The following CHD9 variants were observed in gnomAD, a reference collection of about 807,000 sequenced individuals.
CHD9 encodes chromodomain helicase DNA binding protein 9.
Under a neutral mutation model 316.1 loss-of-function variants are expected in CHD9, and 77 were observed. The ratio of observed to expected loss-of-function variants is 0.24; its 90% CI spans 0.20 to 0.29. The LOEUF (loss-of-function observed/expected upper bound fraction) is 0.29. CHD9 is among the 10% of genes least tolerant of loss of function. CHD9 has a pLI of 1.00. For synonymous variants in CHD9, 1,129 were observed against 1,158.3 expected, an observed-to-expected ratio of 0.97 and a Z score of 0.51; for missense variants, 2,763 against 3,438.1, an observed-to-expected ratio of 0.80 and a Z score of 4.91.
chr16:53,094,095 T>C (rs2036178938), intron 1 of CHD9, among the ~76,000 whole-genome samples: 1 of 152,206 alleles, frequency 6.6e-6, no homozygotes. Flanking sequence ...AGCAGGCAGC[T>C]CTGCTGTGGC....
chr16:53,265,524 T>C (rs2051571802), intron 20 of CHD9, among the ~76,000 whole-genome samples: 1 of 152,146 alleles, frequency 6.6e-6, no homozygotes, highest in Non-Finnish European at 1.5e-5. Context: ...GATCAAAGTA[T>C]AAGTTTATGA....
intron 38 of CHD9, among the ~76,000 whole-genome samples, chr16:53,322,606 A>C (rs1407595814): frequency 6.6e-6 from 1 of 151,892 alleles, no homozygotes; most frequent in Non-Finnish European, 1.5e-5. Flanking sequence ...AAAAAAAAAA[A>C]CATATCTTAG....
chr16:53,109,677 CT>C (rs1166073629), intron 1 of CHD9, among the ~76,000 whole-genome samples: 31 of 71,606 alleles, frequency 4.3e-4, no homozygotes, highest in Admixed American at 7.3e-4. Flanking sequence ...TTCCCAGTTT[CT>C]TTTTTTTTTT....
At chr16:53,071,151 T>A (rs9931598) in intron 1 of CHD9, among the ~76,000 whole-genome samples, 95,651 of 152,012 alleles carry the variant, frequency 0.63, 30,691 homozygotes, top group Non-Finnish European at 0.67. Context: ...TTATATCTTC[T>A]TTAACTTCTT....
chr16:53,307,578 A>G, intron 32 of CHD9, 103 bp from the exon 33 acceptor site: 2 of 972,700 alleles, frequency 2.1e-6, no homozygotes, highest in South Asian at 3.4e-5. Context: ...GCACATACAC[A>G]TATGTTGAAC....
intron 32 of CHD9, among the ~76,000 whole-genome samples, chr16:53,307,104 G>C (rs1286650651): frequency 1.3e-5 from 2 of 151,930 alleles, no homozygotes; most frequent in Admixed American, 6.6e-5. Context: ...TATGTGACTA[G>C]ACTAGTGCTG....
At chr16:53,226,557 A>G in intron 5 of CHD9, 45 bp downstream of exon 5, 1 of 1,556,372 alleles carries the variant, frequency 6.4e-7, no homozygotes, top group Non-Finnish European at 8.6e-7. Context: ...TTAAACCGAC[A>G]TAAATTCTAT....
intron 2 of CHD9, among the ~76,000 whole-genome samples, chr16:53,170,523 T>G (rs1381706615): frequency 1.3e-5 from 2 of 152,026 alleles, no homozygotes; most frequent in Non-Finnish European, 2.9e-5. Context: ...GGAGCTCATT[T>G]GCTTTTTGAT....
In CHD9 at chr16:53,245,949, C is replaced by G; in HGVS notation, c.3454+99C>G. ...TACAGCTGTAGTGGCTGTTATGACT[C>G]TCCACTGTGATATTCTAAGGAATTA... is the stretch of plus-strand genomic sequence containing the variant. On this transcript the variant is annotated intron_variant, in intron 15 of 38. Transcript: ENST00000447540. The surrounding 1 kb of genome is among the most constrained non-coding windows in gnomAD (Gnocchi z 4.1). The G allele has an allele frequency of 4.9e-6, 4 of 809,372 alleles. No homozygotes were observed. Among genetic ancestry groups the G allele is most frequent in the Non-Finnish European group, 7.1e-6 (4 of 560,890 alleles). The allele number at this position is 809,372 out of a possible 1,614,324, so 50.1% of individuals were successfully genotyped here. A position where few individuals can be genotyped will look rare whatever the true frequency, so the allele number is the denominator to read the frequency against.
chr16:53,105,616 G>A (rs570699334), intron 1 of CHD9, among the ~76,000 whole-genome samples: 1 of 152,190 alleles, frequency 6.6e-6, no homozygotes, highest in Non-Finnish European at 1.5e-5. Flanking sequence ...TATTCCATAG[G>A]AGAGTTTTCA....
chr16:53,255,017 G>T (rs973620173), intron 18 of CHD9, among the ~76,000 whole-genome samples: 1 of 151,914 alleles, frequency 6.6e-6, no homozygotes, highest in Non-Finnish European at 1.5e-5. Context: ...TCGGTAATAG[G>T]ATCCTAGTAC....
intron 1 of CHD9, among the ~76,000 whole-genome samples, chr16:53,141,940 C>T (rs889992171): frequency 2.6e-5 from 4 of 151,812 alleles, no homozygotes; most frequent in Non-Finnish European, 4.4e-5. Flanking sequence ...TGAATTCAGG[C>T]AACATTTCAA....
intron 2 of CHD9, among the ~76,000 whole-genome samples, chr16:53,161,906 C>T (rs769676902): frequency 3.3e-5 from 5 of 152,158 alleles, no homozygotes; most frequent in Non-Finnish European, 7.3e-5. Flanking sequence ...GCATGCACCA[C>T]CATGCCCCAC....
At chr16:53,202,639 A>C (rs570384421) in intron 2 of CHD9, among the ~76,000 whole-genome samples, 2 of 152,114 alleles carry the variant, frequency 1.3e-5, no homozygotes, top group Non-Finnish European at 2.9e-5. Flanking sequence ...CTAGATGTAC[A>C]TTTGTATTTA....
intron 1 of CHD9, among the ~76,000 whole-genome samples, chr16:53,084,546 G>A (rs1266696580): frequency 6.6e-6 from 1 of 152,090 alleles, no homozygotes; most frequent in African/African-American, 2.4e-5. Flanking sequence ...AGATCGAAAC[G>A]ATCCTGGCCA....
At chr16:53,116,478 G>A (rs1447215137) in intron 1 of CHD9, among the ~76,000 whole-genome samples, 1 of 152,242 alleles carries the variant, frequency 6.6e-6, no homozygotes, top group Non-Finnish European at 1.5e-5. Flanking sequence ...GTGCTGGATA[G>A]AGAGGGTTCT....
chr16:53,161,778 G>A (rs2041928025), intron 2 of CHD9, among the ~76,000 whole-genome samples: 1 of 151,748 alleles, frequency 6.6e-6, no homozygotes, highest in African/African-American at 2.4e-5. Flanking sequence ...TTTTTGAGAT[G>A]GTCTCACTCT....
At chr16:53,258,925 T>G (rs900885793) in intron 19 of CHD9, among the ~76,000 whole-genome samples, 1 of 152,200 alleles carries the variant, frequency 6.6e-6, no homozygotes, top group African/African-American at 2.4e-5. Context: ...TAAATTGTGC[T>G]TCAGATGGAT....
At chr16:53,106,275 C>T (rs1206063789) in intron 1 of CHD9, among the ~76,000 whole-genome samples, 1 of 152,162 alleles carries the variant, frequency 6.6e-6, no homozygotes, top group Non-Finnish European at 1.5e-5. Flanking sequence ...GGGATCTATC[C>T]TTCAATTTGT....
Sources: gnomAD v4.1 joint callset for allele counts (sites outside exome capture counted in the v4.1 genomes callset) on GRCh38, gnomAD v4.1.1 for gene constraint, Gnocchi (gnomAD v3.1) non-coding constraint, MANE v1.5 for transcripts, NCBI Gene and HGNC (gene_info 2026-07-23, HGNC 2026-07-21) for gene names.